RHD: variants seen among roughly 807,000 people sequenced by gnomAD.
RHD encodes the protein blood group Rh(D) polypeptide.
In RHD, 16 loss-of-function variants were observed where a neutral mutation model predicts 45.5. The ratio of observed to expected loss-of-function variants is 0.35; its 90% CI spans 0.24 to 0.53. The LOEUF (loss-of-function observed/expected upper bound fraction) is 0.53, where lower values mean the gene tolerates loss of function less well. Ranked by LOEUF, RHD falls within the 20% of genes least tolerant of loss-of-function variation. The pLI is 0.92. For missense variants in RHD, 306 were observed against 532.0 expected, an observed-to-expected ratio of 0.58 and a Z score of 4.18; for synonymous variants, 131 against 217.5, an observed-to-expected ratio of 0.60 and a Z score of 3.50.
At position 25,280,334 on chromosome 1, in the gene RHD, C is replaced by T. The variant is rs550534602; in HGVS notation, c.149-4239C>T. ...TTTTTTTTTTTTTTTGAGCTGCAGT[C>T]TCACTCTGTCATCCAGGCTGGAGTA... On this transcript the variant is annotated intron_variant, in intron 1 of 9. Coordinates refer to ENST00000328664, the MANE Select transcript of RHD (RefSeq NM_016124.6). 8.8e-4 allele frequency among the ~76,000 whole-genome samples: 106 copies of T among 120,778 alleles called. 12 individuals carry two copies. The highest frequency in any genetic ancestry group is 2.7e-3 in the African/African-American group (96 of 34,918). The allele number at this position is 120,778 out of a possible 152,430, so 79.2% of individuals were successfully genotyped here.
intron 1 of RHD, among the ~76,000 whole-genome samples, chr1:25,274,405 C>T (rs1174712330): frequency 7.6e-6 from 1 of 132,402 alleles, no homozygotes; most frequent in East Asian, 1.9e-4. Context: ...GCCACTATTC[C>T]AACCCTGTAG....
chr1:25,279,489 T>TA (rs1375434574), intron 1 of RHD, among the ~76,000 whole-genome samples: 2 of 123,498 alleles, frequency 1.6e-5, no homozygotes, highest in Admixed American at 1.6e-4. Flanking sequence ...TAAACCTAGG[T>TA]AGGTAGGGTT....
intron 1 of RHD, among the ~76,000 whole-genome samples, chr1:25,279,071 C>CGGAGGCAGCTGACCGGA (rs1043362989): frequency 7.7e-6 from 1 of 129,470 alleles, no homozygotes; most frequent in African/African-American, 2.7e-5. Flanking sequence ...TCCAGAATCA[C>CGGAGGCAGCTGACCGGA]GGAGGCAGCT....
chr1:25,322,394 T>C (rs142527975), intron 9 of RHD, among the ~76,000 whole-genome samples: 2,998 of 133,102 alleles, frequency 0.023, 506 homozygotes, highest in African/African-American at 0.07. Context: ...TACAACTGGC[T>C]GGGCACGGTG....
intron 2 of RHD, among the ~76,000 whole-genome samples, chr1:25,289,884 AT>A (rs2124638921): frequency 7.8e-6 from 1 of 128,542 alleles, no homozygotes; most frequent in South Asian, 2.4e-4. Flanking sequence ...ACTCCTGAGC[AT>A]GCTCATTGGT....
intron 3 of RHD, among the ~76,000 whole-genome samples, chr1:25,298,952 G>C (rs1643155077): frequency 7.9e-6 from 1 of 127,360 alleles, no homozygotes; most frequent in East Asian, 2.0e-4. Context: ...TTTGAGTACA[G>C]ACCTGAAGGT....
rs1237557949 is a variant in RHD, at chr1:25,276,984, G to A, written c.148+4289G>A. Among the ~76,000 whole-genome samples the A allele has an allele frequency of 1.4e-4, 19 of 131,280 alleles. 1 individual carries two copies. Among genetic ancestry groups the A allele is most frequent in the Admixed American group, 7.4e-4 (10 of 13,544 alleles). The allele number at this position is 131,280 out of a possible 152,430, so 86.1% of individuals were successfully genotyped here. A position where few individuals can be genotyped will look rare whatever the true frequency, so the allele number is the denominator to read the frequency against. On this transcript the variant is annotated intron_variant, in intron 1 of 9. Transcript: ENST00000328664. ...TGGGAGGCTGAGGCAGGAGAATGGC[G>A]TGAACCCAGGAGGCGGAGCTTTCAG...
rs1338721033 is a variant in RHD at position 25,301,622 on chromosome 1, C to T, written c.737C>T (p.Ala246Val). The change falls in exon 5 of 10, where the codon GCA becomes GTA. Residue 246 changes from alanine (A) to valine (V), a missense_variant. Ala to Val is a moderately conservative substitution (Grantham distance 64, BLOSUM62 0). Coordinates refer to ENST00000328664, the MANE Select transcript of RHD (RefSeq NM_016124.6). ...NAVFNTYYAV[A>V]VSVVTAISGS... ...GTGTTCAACACCTACTATGCTGTAG[C>T]AGTCAGCGTGGTGACAGCCATCTCA... The T allele has an allele frequency of 6.5e-6, 9 of 1,380,194 alleles. 1 individual carries two copies. Among genetic ancestry groups the T allele is most frequent in the Non-Finnish European group, 8.2e-6 (8 of 979,190 alleles). 85.5% of individuals were successfully genotyped at this position (1,380,194 alleles called of 1,614,324 possible). A position where few individuals can be genotyped will look rare whatever the true frequency, so the allele number is the denominator to read the frequency against.
chr1:25,291,576 A>G (rs35810968), intron 3 of RHD, among the ~76,000 whole-genome samples: 2,364 of 132,692 alleles, frequency 0.018, 260 homozygotes, highest in African/African-American at 0.056. Context: ...CAACAAACCA[A>G]TGCCTTTAAC....
chr1:25,291,496 G>A (rs1642504267), intron 3 of RHD, among the ~76,000 whole-genome samples: 2 of 130,416 alleles, frequency 1.5e-5, no homozygotes, highest in African/African-American at 5.3e-5. Flanking sequence ...AAAAAGAAAA[G>A]AAAAGATTGA....
intron 7 of RHD, chr1:25,307,903 C>G (rs1381541493): frequency 1.9e-6 from 2 of 1,054,342 alleles, no homozygotes; most frequent in African/African-American, 3.1e-5. Flanking sequence ...GTGTCTGCCA[C>G]TGTCTTAATA....
chr1:25,286,861 A>G (rs183176447), intron 2 of RHD, among the ~76,000 whole-genome samples: 1 of 134,518 alleles, frequency 7.4e-6, no homozygotes, highest in Admixed American at 7.2e-5. Flanking sequence ...TAGGAGGCCT[A>G]GCAGGTGGAT....
At chr1:25,291,343 C>A (rs1256851728) in intron 3 of RHD, among the ~76,000 whole-genome samples, 1 of 131,302 alleles carries the variant, frequency 7.6e-6, no homozygotes. Flanking sequence ...GTGGCAGGCG[C>A]CTGTAATCCC....
chr1:25,274,206 C>T (rs953834749), intron 1 of RHD, among the ~76,000 whole-genome samples: 2 of 131,732 alleles, frequency 1.5e-5, no homozygotes, highest in African/African-American at 2.6e-5. Context: ...TTATGATCTT[C>T]GTTTTTCATA....
chr1:25,322,390 T>A (rs1644760174), intron 9 of RHD, among the ~76,000 whole-genome samples: 1 of 132,842 alleles, frequency 7.5e-6, no homozygotes, highest in Admixed American at 7.3e-5. Context: ...ATCTTACAAC[T>A]GGCTGGGCAC....
rs1465345996 is a variant in RHD, at chr1:25,296,980, C to G, written c.487-3966C>G. ...TCTTACATAACCTTTTTTCAGTTAACAAAAATGAGAAATTGACATTGATAT... is the reference window on the plus strand; with the variant it reads ...TCTTACATAACCTTTTTTCAGTTAAGAAAAATGAGAAATTGACATTGATAT... On this transcript the variant is annotated intron_variant, in intron 3 of 9. Transcript: ENST00000328664. 1.5e-5 allele frequency among the ~76,000 whole-genome samples: 2 copies of G among 131,300 alleles called. 1 individual carries two copies. The highest frequency in any genetic ancestry group is 5.3e-5 in the African/African-American group (2 of 37,944). The allele number at this position is 131,300 out of a possible 152,430, so 86.1% of individuals were successfully genotyped here. A position where few individuals can be genotyped will look rare whatever the true frequency, so the allele number is the denominator to read the frequency against.
At chr1:25,306,510 C>A in intron 6 of RHD, 86 bp from the exon 7 acceptor site, 1 of 1,238,552 alleles carries the variant, frequency 8.1e-7, no homozygotes, top group Non-Finnish European at 1.2e-6. Context: ...CCTTTGGTGG[C>A]CCCGGATACC....
At chr1:25,286,812 G>A (rs1187004396) in intron 2 of RHD, among the ~76,000 whole-genome samples, 1 of 132,698 alleles carries the variant, frequency 7.5e-6, no homozygotes, top group Non-Finnish European at 1.8e-5. Flanking sequence ...AACAGTTTTA[G>A]GCCAGGCGCG....
At chr1:25,302,322 G>T (rs1351011882) in intron 5 of RHD, among the ~76,000 whole-genome samples, 1 of 129,534 alleles carries the variant, frequency 7.7e-6, no homozygotes, top group East Asian at 2.0e-4. Context: ...GATGATGGGG[G>T]AAGGGGCTCC....
Sources: gnomAD v4.1 joint callset for allele counts (sites outside exome capture counted in the v4.1 genomes callset) on GRCh38, gnomAD v4.1.1 for gene constraint, MANE v1.5 for transcripts, NCBI Gene and HGNC (gene_info 2026-07-23, HGNC 2026-07-21) for gene names.